Variants in DCDC2 observed in about 807,000 individuals in gnomAD.
The protein encoded by DCDC2 is doublecortin domain-containing protein 2.
DCDC2 carries 40 observed loss-of-function variants against 50.2 expected under a neutral mutation model. The observed-to-expected ratio is 0.80, with a 90% confidence interval of 0.62 to 1.04. DCDC2 has a LOEUF of 1.04. Ranked by LOEUF, DCDC2 falls within the 50% of genes least tolerant of loss-of-function variation. The pLI is 0.00. For synonymous variants in DCDC2, 234 were observed against 210.6 expected (o/e 1.11, Z -0.96); for missense variants, 570 against 581.9 (o/e 0.98, Z 0.21).
intron 2 of DCDC2, among the ~76,000 whole-genome samples, chr6:24,305,009 G>A (rs1298193855): frequency 6.6e-6 from 1 of 152,156 alleles, no homozygotes; most frequent in East Asian, 1.9e-4. Flanking sequence ...ACCCATTCTT[G>A]ATGGTTTAAA....
chr6:24,244,662 A>G (rs553325392), intron 7 of DCDC2, among the ~76,000 whole-genome samples: 36 of 152,286 alleles, frequency 2.4e-4, no homozygotes, highest in Middle Eastern at 3.4e-3. Context: ...CCCACCTTAA[A>G]GGCCACTGCC....
intron 6 of DCDC2, among the ~76,000 whole-genome samples, chr6:24,279,298 G>A (rs1763421381): frequency 6.6e-6 from 1 of 152,158 alleles, no homozygotes; most frequent in Non-Finnish European, 1.5e-5. Context: ...GAGGTCAGGA[G>A]TTTGAGGCCA....
the DCDC2 span, among the ~76,000 whole-genome samples, chr6:24,363,430 A>G: frequency 6.6e-6 from 1 of 152,162 alleles, no homozygotes; most frequent in Non-Finnish European, 1.5e-5. Context: ...GAGCCTGGGA[A>G]GTTGAGGCTG....
At chr6:24,335,272 C>T (rs1333135490) in intron 2 of DCDC2, among the ~76,000 whole-genome samples, 2 of 152,090 alleles carry the variant, frequency 1.3e-5, no homozygotes, top group South Asian at 2.1e-4. Context: ...GGCAAATGTG[C>T]CCTGTGAGAA....
chr6:24,261,284 T>C (rs1763003115), intron 7 of DCDC2, among the ~76,000 whole-genome samples: 1 of 152,042 alleles, frequency 6.6e-6, no homozygotes, highest in Admixed American at 6.6e-5. Context: ...AGTGCTTTTT[T>C]TTGTTGCTAC....
intron 8 of DCDC2, among the ~76,000 whole-genome samples, chr6:24,196,360 C>G (rs1240839284): frequency 6.6e-6 from 1 of 152,036 alleles, no homozygotes; most frequent in Non-Finnish European, 1.5e-5. Flanking sequence ...AGCTCACTTC[C>G]TTTGTGTATT....
intron 2 of DCDC2, among the ~76,000 whole-genome samples, chr6:24,316,075 G>C (rs1436417913): frequency 6.6e-6 from 1 of 152,180 alleles, no homozygotes; most frequent in African/African-American, 2.4e-5. Flanking sequence ...TACTGGGACA[G>C]AGAACATTTG....
intron 4 of DCDC2, among the ~76,000 whole-genome samples, chr6:24,294,583 A>G (rs1763821085): frequency 6.6e-6 from 1 of 152,134 alleles, no homozygotes; most frequent in Non-Finnish European, 1.5e-5. Context: ...GGCTGAATTA[A>G]TAAAGGAGAA....
chr6:24,359,488 AATATATTATATATATTTT>A (rs1303708126), upstream of DCDC2, among the ~76,000 whole-genome samples: 14 of 79,144 alleles, frequency 1.8e-4, 1 homozygote, highest in African/African-American at 7.6e-4. Context: ...TTTTATATAT[AATATATTATATATATTTT>A]ATATATTATA....
chr6:24,248,387 A>G (rs981237337), intron 7 of DCDC2, among the ~76,000 whole-genome samples: 3 of 152,362 alleles, frequency 2.0e-5, no homozygotes, highest in South Asian at 2.1e-4. Context: ...CCTTGTCTGT[A>G]AAACTGAGAT....
Position 24,292,760 on chromosome 6 carries a change from A to G in DCDC2, c.558-1682T>C, listed in dbSNP as rs190163860. 5.4e-4 allele frequency among the ~76,000 whole-genome samples: 83 copies of G among 152,344 alleles called. 3 individuals carry two copies. Among genetic ancestry groups the G allele is most frequent in the Admixed American group, 5.4e-3 (83 of 15,304 alleles). ...CATTATTGACATTTTGGACCAGATA[A>G]TTCTTTGCTGGAAAGGTGAGTAGGC... On this transcript the variant is annotated intron_variant, in intron 4 of 9. Transcript: ENST00000378454.
intron 7 of DCDC2, among the ~76,000 whole-genome samples, chr6:24,268,348 G>T (rs554268994): frequency 6.6e-6 from 1 of 152,084 alleles, no homozygotes; most frequent in African/African-American, 2.4e-5. Context: ...TTAGCTGGAT[G>T]TGGTGGCGCA....
intron 2 of DCDC2, among the ~76,000 whole-genome samples, chr6:24,334,133 T>C (rs1760014949): frequency 6.6e-6 from 1 of 152,212 alleles, no homozygotes; most frequent in African/African-American, 2.4e-5. Flanking sequence ...AATTCCATAG[T>C]CCCTGATAAT....
At chr6:24,220,696 T>C (rs1362313381) in intron 7 of DCDC2, among the ~76,000 whole-genome samples, 1 of 152,212 alleles carries the variant, frequency 6.6e-6, no homozygotes, top group Non-Finnish European at 1.5e-5. Context: ...TTAGTCTGTT[T>C]TCATACTGCT....
At chr6:24,187,119 C>CT (rs1323252029) in intron 8 of DCDC2, among the ~76,000 whole-genome samples, 2 of 152,122 alleles carry the variant, frequency 1.3e-5, no homozygotes, top group Non-Finnish European at 2.9e-5. Context: ...TACTAATACT[C>CT]TTTCACCTCC....
intron 2 of DCDC2, among the ~76,000 whole-genome samples, chr6:24,339,480 T>C (rs1211676778): frequency 6.6e-6 from 1 of 152,128 alleles, no homozygotes. Flanking sequence ...ATTTGTGATG[T>C]TAATTTTTTA....
intron 8 of DCDC2, among the ~76,000 whole-genome samples, chr6:24,200,797 G>A (rs1761569575): frequency 6.6e-6 from 1 of 150,938 alleles, no homozygotes; most frequent in African/African-American, 2.4e-5. Flanking sequence ...TAAAGGGATG[G>A]AGGAATATTT....
intron 7 of DCDC2, among the ~76,000 whole-genome samples, chr6:24,217,764 A>C (rs1275994275): frequency 1.3e-5 from 2 of 152,176 alleles, no homozygotes; most frequent in Non-Finnish European, 2.9e-5. Context: ...CTCCATAGTA[A>C]TGTTTGAAGA....
At chr6:24,284,138 G>A (rs1453580286) in intron 6 of DCDC2, among the ~76,000 whole-genome samples, 1 of 152,176 alleles carries the variant, frequency 6.6e-6, no homozygotes, top group East Asian at 1.9e-4. Context: ...TGTTGGATCA[G>A]CGAATCAGTC....
Sources: allele counts gnomAD v4.1 joint callset (sites outside exome capture counted in the v4.1 genomes callset), GRCh38; gene constraint gnomAD v4.1.1; transcripts MANE v1.5; gene names NCBI Gene and HGNC (gene_info 2026-07-23, HGNC 2026-07-21).